THSD7B: variants seen among roughly 807,000 people sequenced by gnomAD.
The protein encoded by THSD7B is thrombospondin type 1 domain containing 7B.
THSD7B carries 138 observed loss-of-function variants against 213.6 expected under a neutral mutation model. The observed-to-expected ratio is 0.65, with a 90% CI of 0.56 to 0.74. The LOEUF (loss-of-function observed/expected upper bound fraction) is 0.74. Among genes scored for constraint, THSD7B ranks in the 30% least tolerant of loss-of-function variants. THSD7B has a pLI of 0.00. For missense variants in THSD7B, 1,931 were observed against 1,991.5 expected, an observed-to-expected ratio of 0.97 and a Z score of 0.58; for synonymous variants, 742 against 687.0, an observed-to-expected ratio of 1.08 and a Z score of -1.25.
chr2:137,184,198 C>T (rs564168101), intron 7 of THSD7B, among the ~76,000 whole-genome samples: 6 of 152,138 alleles, frequency 3.9e-5, no homozygotes, highest in East Asian at 3.9e-4. Flanking sequence ...ACTGTGTCCT[C>T]GTATGGTGAA....
intron 14 of THSD7B, among the ~76,000 whole-genome samples, chr2:137,432,339 C>A (rs112858771): frequency 8.5e-4 from 129 of 152,290 alleles, no homozygotes; most frequent in African/African-American, 3.0e-3. Context: ...TGCAGTCAGC[C>A]GAGATCGCGC....
intron 1 of THSD7B, among the ~76,000 whole-genome samples, chr2:136,869,701 T>C (rs1434910692): frequency 6.6e-6 from 1 of 152,226 alleles, no homozygotes. Context: ...TGCTTTGTGC[T>C]TGGGAGCCAT....
chr2:136,774,377 G>T (rs1681564988), intron 1 of THSD7B, among the ~76,000 whole-genome samples: 1 of 151,968 alleles, frequency 6.6e-6, no homozygotes, highest in Non-Finnish European at 1.5e-5. Context: ...TTCATTCCCT[G>T]GTAGGTAGCA....
intron 2 of THSD7B, among the ~76,000 whole-genome samples, chr2:136,918,282 C>T (rs1278563513): frequency 6.6e-6 from 1 of 152,100 alleles, no homozygotes; most frequent in Non-Finnish European, 1.5e-5. Flanking sequence ...ATATTATCTC[C>T]CATCACATAA....
At chr2:137,308,112 G>T (rs1316320341) in intron 12 of THSD7B, among the ~76,000 whole-genome samples, 1 of 151,984 alleles carries the variant, frequency 6.6e-6, no homozygotes, top group Non-Finnish European at 1.5e-5. Context: ...TTTCCTCCAG[G>T]TGTTAAAGTA....
chr2:137,253,957 A>G (rs1573914113), intron 10 of THSD7B, among the ~76,000 whole-genome samples: 2 of 152,288 alleles, frequency 1.3e-5, no homozygotes, highest in African/African-American at 4.8e-5. Context: ...GGAGTTAAAC[A>G]TTGGGATCTT....
At chr2:136,984,035 A>G (rs1462223132) in intron 2 of THSD7B, among the ~76,000 whole-genome samples, 2 of 152,228 alleles carry the variant, frequency 1.3e-5, no homozygotes, top group African/African-American at 2.4e-5. Flanking sequence ...GAAATATGCC[A>G]TGAAGGCCTA....
chr2:137,643,705 G>C (rs1281064027), intron 21 of THSD7B, among the ~76,000 whole-genome samples: 1 of 152,152 alleles, frequency 6.6e-6, no homozygotes, highest in Non-Finnish European at 1.5e-5. Flanking sequence ...TGACAGAATA[G>C]AGAAAATAAG....
chr2:137,088,903 A>C (rs1289066157), intron 3 of THSD7B, among the ~76,000 whole-genome samples: 1 of 152,222 alleles, frequency 6.6e-6, no homozygotes, highest in East Asian at 1.9e-4. Context: ...GCATTATGCA[A>C]ATCAAAACCA....
At chr2:137,098,057 A>G (rs1251543447) in intron 4 of THSD7B, among the ~76,000 whole-genome samples, 1 of 152,124 alleles carries the variant, frequency 6.6e-6, no homozygotes, top group Non-Finnish European at 1.5e-5. Flanking sequence ...TATATTAGTG[A>G]TTAAAATTCA....
intron 15 of THSD7B, among the ~76,000 whole-genome samples, chr2:137,528,904 C>T (rs2029089): frequency 0.28 from 42,058 of 151,798 alleles, 5,925 homozygotes; most frequent in South Asian, 0.38. Flanking sequence ...TCTGGTGCTT[C>T]GCAGACTCAT....
intron 2 of THSD7B, among the ~76,000 whole-genome samples, chr2:137,043,272 A>C (rs949673966): frequency 6.6e-6 from 1 of 152,176 alleles, no homozygotes; most frequent in Admixed American, 6.5e-5. Context: ...AAAGTTCACC[A>C]TTCTTCAGCT....
chr2:136,851,075 T>A (rs1683090848), intron 1 of THSD7B, among the ~76,000 whole-genome samples: 1 of 152,204 alleles, frequency 6.6e-6, no homozygotes, highest in Non-Finnish European at 1.5e-5. Flanking sequence ...TTCTGAAAAT[T>A]TTGTCTTTCA....
intron 12 of THSD7B, among the ~76,000 whole-genome samples, chr2:137,396,060 C>T: frequency 6.6e-6 from 1 of 151,586 alleles, no homozygotes; most frequent in African/African-American, 2.4e-5. Flanking sequence ...CTCTCTTTTT[C>T]TTTATTAGTC....
chr2:137,362,788 G>A (rs1685298344), intron 12 of THSD7B, among the ~76,000 whole-genome samples: 1 of 152,148 alleles, frequency 6.6e-6, no homozygotes, highest in Non-Finnish European at 1.5e-5. Context: ...ATAATAATGG[G>A]AGACTTTAAC....
In THSD7B at chr2:137,232,827, T is replaced by C; in HGVS notation, c.1916-72T>C. The C allele has an allele frequency of 4.9e-6, 7 of 1,422,918 alleles. No homozygotes were observed. The East Asian group carries it at 1.4e-4, about 29-fold the overall frequency. The allele number at this position is 1,422,918 out of a possible 1,614,324, so 88.1% of individuals were successfully genotyped here. A position where few individuals can be genotyped will look rare whatever the true frequency, so the allele number is the denominator to read the frequency against. ...TCAGCAAAGCTGTCTCTCTAGACCA[T>C]TAAAGCAGCAGAAACAACAAAAACA... On this transcript the variant is annotated intron_variant, in intron 8 of 27. Coordinates refer to ENST00000409968, the MANE Select transcript of THSD7B (RefSeq NM_001316349.2).
At chr2:137,676,194 C>A (rs927316378) in intron 27 of THSD7B, among the ~76,000 whole-genome samples, 1 of 152,176 alleles carries the variant, frequency 6.6e-6, no homozygotes, top group African/African-American at 2.4e-5. Context: ...TGTTGAGCAT[C>A]TGTGATGTGA....
chr2:137,593,719 T>C (rs117928808), intron 17 of THSD7B, among the ~76,000 whole-genome samples: 3,047 of 152,130 alleles, frequency 0.02, 45 homozygotes, highest in Middle Eastern at 0.071. Flanking sequence ...CAATTTTATA[T>C]TGCGTTTTAC....
At chr2:136,925,740 G>A (rs1242949758) in intron 2 of THSD7B, among the ~76,000 whole-genome samples, 2 of 152,042 alleles carry the variant, frequency 1.3e-5, no homozygotes, top group East Asian at 3.9e-4. Context: ...TAAGGGGATT[G>A]GTGTTAATTT....
Sources: allele counts gnomAD v4.1 joint callset (sites outside exome capture counted in the v4.1 genomes callset), GRCh38; gene constraint gnomAD v4.1.1; transcripts MANE v1.5; gene names NCBI Gene and HGNC (gene_info 2026-07-23, HGNC 2026-07-21).